PDE7B: variants seen among roughly 807,000 people sequenced by gnomAD.
PDE7B encodes the protein 3',5'-cyclic-AMP phosphodiesterase 7B.
In PDE7B, 29 loss-of-function variants were observed where a neutral mutation model predicts 56.2. The ratio of observed to expected loss-of-function variants is 0.52; its 90% CI spans 0.38 to 0.70. The LOEUF (loss-of-function observed/expected upper bound fraction) is 0.70. Ranked by LOEUF, PDE7B falls within the 30% of genes least tolerant of loss-of-function variation. The probability of loss-of-function intolerance (pLI) is 0.00; values close to 1 mark genes in which losing one functional copy is unlikely to be tolerated. For missense variants in PDE7B, 490 were observed against 565.0 expected, an observed-to-expected ratio of 0.87 and a Z score of 1.35; for synonymous variants, 197 against 196.9, an observed-to-expected ratio of 1.00 and a Z score of 0.00.
chr6:136,140,221 A>C (rs971164623), intron 3 of PDE7B, among the ~76,000 whole-genome samples: 2 of 152,224 alleles, frequency 1.3e-5, no homozygotes, highest in African/African-American at 4.8e-5. Context: ...CATTTATTAA[A>C]TAGGGAATCG....
chr6:135,943,188 A>G (rs994326637), intron 1 of PDE7B, among the ~76,000 whole-genome samples: 1 of 152,224 alleles, frequency 6.6e-6, no homozygotes, highest in Non-Finnish European at 1.5e-5. Flanking sequence ...CTTATCGACA[A>G]TAATTTAAAT....
At chr6:136,158,412 C>T (rs191095221) in intron 8 of PDE7B, among the ~76,000 whole-genome samples, 1 of 152,192 alleles carries the variant, frequency 6.6e-6, no homozygotes, top group East Asian at 1.9e-4. Context: ...ACAAGAATAC[C>T]GTAGAGAGGA....
At chr6:135,983,325 C>A (rs1469491909) in intron 2 of PDE7B, among the ~76,000 whole-genome samples, 3 of 152,184 alleles carry the variant, frequency 2.0e-5, no homozygotes, top group Non-Finnish European at 4.4e-5. Flanking sequence ...CCAAAGAGAC[C>A]TGTCCATGTC....
chr6:136,047,438 T>C (rs566978885), intron 2 of PDE7B: 1 of 152,370 alleles, frequency 6.6e-6, no homozygotes, highest in African/African-American at 2.4e-5. Flanking sequence ...AATGTGCTAA[T>C]TGGAAATTCT....
chr6:135,854,969 G>GT (rs1337467087), intron 1 of PDE7B, among the ~76,000 whole-genome samples: 1 of 152,158 alleles, frequency 6.6e-6, no homozygotes, highest in East Asian at 1.9e-4. Context: ...AATCATTTAA[G>GT]TATCTAAATG....
intron 3 of PDE7B, among the ~76,000 whole-genome samples, chr6:136,130,214 A>G (rs1475116974): frequency 6.6e-6 from 1 of 152,162 alleles, no homozygotes; most frequent in African/African-American, 2.4e-5. Context: ...TCAAGCCCAT[A>G]TGGGATTCAG....
intron 1 of PDE7B, among the ~76,000 whole-genome samples, chr6:135,902,975 A>G (rs531735555): frequency 6.6e-6 from 1 of 152,220 alleles, no homozygotes; most frequent in Non-Finnish European, 1.5e-5. Context: ...GCACTGAGTA[A>G]GTGGTATTTA....
chr6:136,139,994 T>G (rs1399220483), intron 3 of PDE7B, among the ~76,000 whole-genome samples: 1 of 152,222 alleles, frequency 6.6e-6, no homozygotes, highest in Non-Finnish European at 1.5e-5. Flanking sequence ...ATTGGTCAAT[T>G]TTGGCTTTTG....
intron 11 of PDE7B, among the ~76,000 whole-genome samples, chr6:136,183,083 A>G (rs1779092423): frequency 6.6e-6 from 1 of 151,826 alleles, no homozygotes; most frequent in Non-Finnish European, 1.5e-5. Flanking sequence ...AAAAAAAAAA[A>G]AAAAAAAACC....
intron 8 of PDE7B, chr6:136,156,158 T>C (rs1583913493): frequency 8.5e-6 from 3 of 353,414 alleles, no homozygotes; most frequent in Middle Eastern, 2.0e-3. Context: ...GAGAGAATGA[T>C]CCAAGTGTGT....
intron 2 of PDE7B, among the ~76,000 whole-genome samples, chr6:136,017,297 G>T (rs777523159): frequency 4.6e-5 from 7 of 152,046 alleles, no homozygotes; most frequent in Non-Finnish European, 7.4e-5. Context: ...AACTACTAGC[G>T]AAATAAAACT....
At chr6:135,867,373 A>G (rs1262414834) in intron 1 of PDE7B, among the ~76,000 whole-genome samples, 1 of 152,216 alleles carries the variant, frequency 6.6e-6, no homozygotes, top group Non-Finnish European at 1.5e-5. Context: ...TACTAAATGT[A>G]TGCTAAAACA....
At position 136,147,870 on chromosome 6, in the gene PDE7B, G is replaced by A. The variant is rs866171001; in HGVS notation, c.318+368G>A. Among the ~76,000 whole-genome samples, 12 of 152,254 alleles carry A rather than the reference G, an allele frequency of 7.9e-5. 1 individual carries two copies. The East Asian group carries it at 9.6e-4, about 12-fold the overall frequency. On this transcript the variant is annotated intron_variant, in intron 4 of 12. Coordinates refer to ENST00000308191, the MANE Select transcript of PDE7B (RefSeq NM_018945.4). Reference sequence around the variant, plus strand: ...TTTTAATTTATTAAATTAGCTCATCGTAACAGCTACACTAAAAATAACCCA... The same window carrying A: ...TTTTAATTTATTAAATTAGCTCATCATAACAGCTACACTAAAAATAACCCA...
At chr6:136,107,221 G>GA (rs1777660411) in intron 2 of PDE7B, among the ~76,000 whole-genome samples, 4 of 152,176 alleles carry the variant, frequency 2.6e-5, no homozygotes, top group Admixed American at 2.6e-4. Context: ...AAAGGAAGGA[G>GA]AGAGGACTGT....
chr6:135,925,354 C>T (rs1362903263), intron 1 of PDE7B, among the ~76,000 whole-genome samples: 1 of 152,124 alleles, frequency 6.6e-6, no homozygotes, highest in Non-Finnish European at 1.5e-5. Context: ...ATACCTCACT[C>T]TCTATCTCAG....
At chr6:135,853,580 C>A (rs975088683) in intron 1 of PDE7B, among the ~76,000 whole-genome samples, 1 of 152,184 alleles carries the variant, frequency 6.6e-6, no homozygotes, top group Non-Finnish European at 1.5e-5. Flanking sequence ...CCACAGTTAA[C>A]TAGTTGCAAC....
intron 8 of PDE7B, among the ~76,000 whole-genome samples, chr6:136,169,198 T>C (rs1353181743): frequency 6.6e-6 from 1 of 152,148 alleles, no homozygotes; most frequent in Admixed American, 6.6e-5. Flanking sequence ...AGTTGGTGTT[T>C]GATAAATGTT....
chr6:136,040,405 C>T (rs927058361), intron 2 of PDE7B, among the ~76,000 whole-genome samples: 1 of 152,164 alleles, frequency 6.6e-6, no homozygotes, highest in Non-Finnish European at 1.5e-5. Context: ...AGGATGCAAC[C>T]CCAAAGATGA....
intron 3 of PDE7B, among the ~76,000 whole-genome samples, chr6:136,145,394 G>T (rs1778397532): frequency 6.6e-6 from 1 of 152,030 alleles, no homozygotes; most frequent in Non-Finnish European, 1.5e-5. Context: ...ATAACAAGGT[G>T]CTACAGTTCA....
Sources: gnomAD v4.1 joint callset for allele counts (sites outside exome capture counted in the v4.1 genomes callset) on GRCh38, gnomAD v4.1.1 for gene constraint, MANE v1.5 for transcripts, NCBI Gene and HGNC (gene_info 2026-07-23, HGNC 2026-07-21) for gene names.